PLCB1: variants seen among roughly 807,000 people sequenced by gnomAD.
PLCB1 encodes the protein phospholipase C beta 1.
In PLCB1, 46 loss-of-function variants were observed where a neutral mutation model predicts 161.8. The observed-to-expected ratio is 0.28, with a 90% confidence interval of 0.22 to 0.36. PLCB1 has a LOEUF of 0.36. Ranked by LOEUF, PLCB1 falls within the 10% of genes least tolerant of loss-of-function variation. PLCB1 has a pLI of 1.00. For synonymous variants in PLCB1, 517 were observed against 503.7 expected, an observed-to-expected ratio of 1.03 and a Z score of -0.35; for missense variants, 1,016 against 1,472.5, an observed-to-expected ratio of 0.69 and a Z score of 5.07.
At chr20:8,219,178 A>G (rs1384228588) in intron 2 of PLCB1, among the ~76,000 whole-genome samples, 2 of 152,172 alleles carry the variant, frequency 1.3e-5, no homozygotes, top group African/African-American at 4.8e-5. Context: ...TGTGTTTTCT[A>G]GTGAAGCTGT....
At chr20:8,161,383 A>G (rs1195882749) in intron 2 of PLCB1, among the ~76,000 whole-genome samples, 1 of 152,146 alleles carries the variant, frequency 6.6e-6, no homozygotes, top group Non-Finnish European at 1.5e-5. Flanking sequence ...CAGTGCTACT[A>G]TTATCTACAT....
At position 8,753,098 on chromosome 20, in the gene PLCB1, A is replaced by T. The variant is rs976937109; in HGVS notation, c.2524-3948A>T. On this transcript the variant is annotated intron_variant, in intron 23 of 31. Coordinates refer to ENST00000338037, the MANE Select transcript of PLCB1 (RefSeq NM_015192.4). ...GAAAAATCTAGGTTGTGGGCTCCTT[A>T]TGAAAATCTAATGCATGATGACCTG... 3.3e-5 allele frequency among the ~76,000 whole-genome samples: 5 copies of T among 152,134 alleles called. No individual in the cohort carries two copies. The East Asian group carries it at 5.8e-4, about 18-fold the overall frequency.
intron 3 of PLCB1, among the ~76,000 whole-genome samples, chr20:8,552,169 C>G (rs1985798469): frequency 6.6e-6 from 1 of 152,136 alleles, no homozygotes; most frequent in Non-Finnish European, 1.5e-5. Context: ...CTTCTAAGAC[C>G]CTCATTAAAT....
At position 8,741,557 on chromosome 20, in the gene PLCB1, A is replaced by C. The variant is rs777743058; in HGVS notation, c.2507A>C (p.Glu836Ala). Residue 836 changes from glutamate (E) to alanine (A), a missense_variant, in exon 23 of 32, where the codon GAA becomes GCA. This residue lies in a region of PLCB1 where 398 missense variants were observed against 445.4 expected (regional missense o/e 0.89). Transcript: ENST00000338037. ...QLAALTLEDE[E>A]EVKKEADPGE... is the part of the protein sequence containing the mutation. ...GCTGCTTTGACACTGGAAGATGAAG[A>C]AGAAGTAAAGAAAGAGGTGAGAGGG... 6.2e-7 allele frequency: 1 copy of C among 1,610,254 alleles called. No homozygotes were observed. Among genetic ancestry groups the C allele is most frequent in the South Asian group, 1.1e-5 (1 of 90,960 alleles).
At chr20:8,724,178 T>TATAA (rs1555786031) in intron 15 of PLCB1, among the ~76,000 whole-genome samples, 2 of 147,928 alleles carry the variant, frequency 1.4e-5, no homozygotes, top group East Asian at 2.0e-4. Context: ...TTTATTTATA[T>TATAA]AAAAAAAAAA....
chr20:8,659,751 G>C (rs1989570152), intron 9 of PLCB1, among the ~76,000 whole-genome samples: 1 of 152,076 alleles, frequency 6.6e-6, no homozygotes, highest in Non-Finnish European at 1.5e-5. Flanking sequence ...CAACACTTTG[G>C]GAGGCCAAGG....
Position 8,393,763 on chromosome 20 carries a change from A to T in PLCB1, c.246+22313A>T, listed in dbSNP as rs373343075. Reference sequence around the variant, plus strand: ...CTTTAACTATGGGTCTCTTGGTCACAAGCATCTCATAGGATTAATATAAAT... The same window carrying T: ...CTTTAACTATGGGTCTCTTGGTCACTAGCATCTCATAGGATTAATATAAAT... On this transcript the variant is annotated intron_variant, in intron 3 of 31. Transcript: ENST00000338037. Among the ~76,000 whole-genome samples, 55 of 152,266 alleles carry T rather than the reference A, an allele frequency of 3.6e-4. No homozygotes were observed. The South Asian group carries it at 8.1e-3, about 22-fold the overall frequency.
At chr20:8,878,136 G>A (rs976171831) in intron 31 of PLCB1, among the ~76,000 whole-genome samples, 5 of 152,154 alleles carry the variant, frequency 3.3e-5, no homozygotes, top group African/African-American at 1.2e-4. Flanking sequence ...GTCCACCAAT[G>A]AGCATTAACC....
At chr20:8,150,216 T>C in intron 1 of PLCB1, 78 bp from the exon 2 acceptor site, 1 of 623,582 alleles carries the variant, frequency 1.6e-6, no homozygotes, top group Non-Finnish European at 2.8e-6. Flanking sequence ...TGTACAATTA[T>C]TACTTCTTAA....
intron 3 of PLCB1, among the ~76,000 whole-genome samples, chr20:8,481,595 AT>A (rs1982500173): frequency 6.6e-6 from 1 of 151,986 alleles, no homozygotes; most frequent in South Asian, 2.1e-4. Context: ...TTTTTTGTAA[AT>A]TTTCTCAAAA....
At chr20:8,627,134 TTTTC>T (rs1023491278) in intron 3 of PLCB1, among the ~76,000 whole-genome samples, 4 of 91,188 alleles carry the variant, frequency 4.4e-5, no homozygotes, top group African/African-American at 1.9e-4. Context: ...TGAAATGGGG[TTTTC>T]TTTCTTCATA....
intron 2 of PLCB1, among the ~76,000 whole-genome samples, chr20:8,189,786 G>A (rs960182616): frequency 2.0e-5 from 3 of 151,924 alleles, no homozygotes; most frequent in African/African-American, 4.8e-5. Context: ...TTTCAACTTG[G>A]ACAATTTTAA....
At chr20:8,581,551 A>G (rs1986833659) in intron 3 of PLCB1, among the ~76,000 whole-genome samples, 1 of 152,174 alleles carries the variant, frequency 6.6e-6, no homozygotes. Flanking sequence ...ACAAGGTTTG[A>G]CATAGGCAAC....
At chr20:8,807,657 CT>C (rs1460325831) in intron 31 of PLCB1, among the ~76,000 whole-genome samples, 1 of 151,760 alleles carries the variant, frequency 6.6e-6, no homozygotes, top group African/African-American at 2.4e-5. Context: ...CAGATGCACC[CT>C]TTTCCCCCCT....
chr20:8,160,227 C>T (rs1057340351), intron 2 of PLCB1, among the ~76,000 whole-genome samples: 1 of 152,122 alleles, frequency 6.6e-6, no homozygotes, highest in Non-Finnish European at 1.5e-5. Context: ...TTTGTCAAAG[C>T]CATTCAACAA....
At chr20:8,716,385 T>C in intron 13 of PLCB1, 37 bp downstream of exon 13, 1 of 1,426,280 alleles carries the variant, frequency 7.0e-7, no homozygotes, top group Non-Finnish European at 9.9e-7. Flanking sequence ...AAGGAATGTA[T>C]GCATTATTGA....
At chr20:8,729,522 CCA>C (rs2123492345) in intron 18 of PLCB1, 1 of 162,134 alleles carries the variant, frequency 6.2e-6, no homozygotes, top group South Asian at 1.8e-4. Flanking sequence ...CTCAGAGATT[CCA>C]CAGTGTTGAC....
chr20:8,750,192 T>C (rs975301020), intron 23 of PLCB1, among the ~76,000 whole-genome samples: 3 of 152,314 alleles, frequency 2.0e-5, no homozygotes, highest in African/African-American at 7.2e-5. Context: ...AGCCATGCTG[T>C]GTCAAGATTC....
At chr20:8,759,931 T>C (rs1981934546) in intron 24 of PLCB1, among the ~76,000 whole-genome samples, 1 of 123,300 alleles carries the variant, frequency 8.1e-6, no homozygotes, top group Non-Finnish European at 1.7e-5. Flanking sequence ...AGACAGACTT[T>C]CACTCAATCT....
Sources: gnomAD v4.1 joint callset for allele counts (sites outside exome capture counted in the v4.1 genomes callset) on GRCh38, gnomAD v4.1.1 for gene constraint, gnomAD v4.1.1 regional missense constraint, MANE v1.5 for transcripts, NCBI Gene and HGNC (gene_info 2026-07-23, HGNC 2026-07-21) for gene names.